The following RGMA variants were observed in gnomAD, a reference collection of about 807,000 sequenced individuals.
The protein encoded by RGMA is repulsive guidance molecule BMP co-receptor a, also known as repulsive guidance molecule A.
In RGMA, 10 loss-of-function variants were observed where a neutral mutation model predicts 23.2. That is an observed-to-expected ratio of 0.43 (90% CI 0.27 to 0.73). RGMA has a LOEUF of 0.73. Ranked by LOEUF, RGMA falls within the 30% of genes least tolerant of loss-of-function variation. The pLI is 0.20. For missense variants in RGMA, 547 were observed against 630.5 expected, an observed-to-expected ratio of 0.87 and a Z score of 1.42; for synonymous variants, 308 against 279.3, an observed-to-expected ratio of 1.10 and a Z score of -1.03.
intron 1 of RGMA, among the ~76,000 whole-genome samples, chr15:93,075,936 GC>G (rs777747887): frequency 3.3e-5 from 5 of 152,222 alleles, no homozygotes; most frequent in Non-Finnish European, 7.3e-5. Context: ...CCCAGCTAGA[GC>G]AGTATGGCGT....
Position 93,073,138 on chromosome 15 carries a change from G to C in RGMA, c.15-107C>G, listed in dbSNP as rs1459897217. 43 of 1,254,268 alleles carry C rather than the reference G, an allele frequency of 3.4e-5. No individual in the cohort carries two copies. In the East Asian group the frequency reaches 5.4e-4, roughly 16 times the overall value. 77.7% of individuals were successfully genotyped at this position (1,254,268 alleles called of 1,614,324 possible). A position where few individuals can be genotyped will look rare whatever the true frequency, so the allele number is the denominator to read the frequency against. On this transcript the variant is annotated intron_variant, in intron 1 of 3. Transcript: ENST00000329082. Reference sequence around the variant, plus strand: ...CGAGCCGGGAGGCTCCGTCCACCTCGGCCGCGGGCGCCCGGCGCGCTCCCC... The same window carrying C: ...CGAGCCGGGAGGCTCCGTCCACCTCCGCCGCGGGCGCCCGGCGCGCTCCCC...
In RGMA at chr15:93,051,133, G is replaced by A. The variant is rs969487938; in HGVS notation, c.645+860C>T. ...GCCAGGGACCAGAAAGTGACCCCCT[G>A]CAGGCAGGCAAGGGCCACCGGAGCA... On this transcript the variant is annotated intron_variant, in intron 3 of 3. Transcript: ENST00000329082. 2.4e-4 allele frequency among the ~76,000 whole-genome samples: 37 copies of A among 152,348 alleles called. 1 individual carries two copies. The highest frequency in any genetic ancestry group is 8.7e-4 in the African/African-American group (36 of 41,580).
chr15:93,065,467 G>T (rs1312923189), intron 2 of RGMA: 24 of 442,482 alleles, frequency 5.4e-5, no homozygotes, highest in South Asian at 4.5e-4. Context: ...ATGAAAAGCT[G>T]GTATTTTGAT....
intron 3 of RGMA, among the ~76,000 whole-genome samples, chr15:93,047,433 AAAGGGGAC>A (rs1161984824): frequency 1.3e-5 from 2 of 152,184 alleles, no homozygotes; most frequent in Non-Finnish European, 2.9e-5. Context: ...GAGGTGGGGC[AAAGGGGAC>A]AAGGTGGCAC....
chr15:93,045,076 A>G lies in RGMA; in HGVS notation c.1275T>C (p.Ala425=), dbSNP rs2054796229. The G allele has an allele frequency of 6.4e-7, 1 of 1,574,182 alleles. No individual in the cohort carries two copies. The highest frequency in any genetic ancestry group is 1.2e-5 in the South Asian group (1 of 86,068). ...ERTRDLPGRA[A]AGLPLAPRPL... Reference sequence around the variant, plus strand: ...GCCGGGGGGCCAGGGGCAGCCCCGCAGCCGCCCTGCCTGGCAGGTCCCGAG... The same window carrying G: ...GCCGGGGGGCCAGGGGCAGCCCCGCGGCCGCCCTGCCTGGCAGGTCCCGAG... The change falls in exon 4 of 4, where the codon GCT becomes GCC. Residue 425 remains alanine, a synonymous_variant. Transcript: ENST00000329082. The surrounding 1 kb of genome is among the most constrained non-coding windows in gnomAD (Gnocchi z 6.9).
intron 1 of RGMA, among the ~76,000 whole-genome samples, chr15:93,084,317 T>A (rs1895603544): frequency 6.6e-6 from 1 of 152,236 alleles, no homozygotes; most frequent in Non-Finnish European, 1.5e-5. Flanking sequence ...CTCTTTTGGA[T>A]GAGCATTTGA....
intron 1 of RGMA, among the ~76,000 whole-genome samples, chr15:93,078,256 CCCAACACTGGTT>C (rs1049818626): frequency 6.6e-6 from 1 of 152,174 alleles, no homozygotes; most frequent in African/African-American, 2.4e-5. Context: ...GAGGAAACGA[CCCAACACTGGTT>C]CCAGGTATTT....
In RGMA at chr15:93,039,779, T is replaced by C. The variant is rs574138481; in HGVS notation, c.*5219A>G. The C allele has an allele frequency of 2.0e-5, 3 of 152,250 alleles. No individual in the cohort carries two copies. Among genetic ancestry groups the C allele is most frequent in the Non-Finnish European group, 4.4e-5 (3 of 68,064 alleles). 9.4% of individuals were successfully genotyped at this position (152,250 alleles called of 1,614,324 possible). The stretch of plus-strand genomic sequence containing the variant: ...CATGGCGTATATGTGCCACATTTTC[T>C]TTATCCAGTCTATCATTGAGCCCAT... On this transcript the variant is annotated 3_prime_UTR_variant, in exon 4 of 4. Coordinates refer to ENST00000329082, the MANE Select transcript of RGMA (RefSeq NM_020211.3).
At chr15:93,048,317 G>C (rs2054860757) in intron 3 of RGMA, among the ~76,000 whole-genome samples, 1 of 152,176 alleles carries the variant, frequency 6.6e-6, no homozygotes, top group African/African-American at 2.4e-5. Flanking sequence ...AAATGTGTTA[G>C]TCAGGCAAGG....
intron 2 of RGMA, among the ~76,000 whole-genome samples, chr15:93,063,804 G>C (rs1895050299): frequency 1.3e-5 from 2 of 152,168 alleles, no homozygotes; most frequent in Admixed American, 1.3e-4. Context: ...GGAGAAAGAG[G>C]GAGCTTCTCA....
intron 1 of RGMA, among the ~76,000 whole-genome samples, chr15:93,084,826 G>C (rs2141850184): frequency 6.6e-6 from 1 of 152,304 alleles, no homozygotes; most frequent in South Asian, 2.1e-4. Context: ...TCATGGTGCA[G>C]ATCAGTTGAG....
rs769281431 is a variant in RGMA, at chr15:93,072,961, C to T, written c.85G>A (p.Gly29Arg). 6.2e-7 allele frequency: 1 copy of T among 1,611,562 alleles called. No homozygotes were observed. The highest frequency in any genetic ancestry group is 1.1e-5 in the South Asian group (1 of 90,356). The change falls in exon 2 of 4, where the codon GGA becomes AGA. Residue 29 changes from glycine to arginine, a missense_variant. Coordinates refer to ENST00000329082, the MANE Select transcript of RGMA (RefSeq NM_020211.3). Reference protein sequence around the residue: ...MGRGAGRSALGFWPTLAFLLC... With the variant: ...MGRGAGRSALRFWPTLAFLLC... ...AGGAAGGCGAGGGTCGGCCAGAATC[C>T]CAGGGCTGAACGTCCTGCCCCTCTC...
chr15:93,066,620 C>T (rs11853197), intron 2 of RGMA: 10,326 of 448,154 alleles, frequency 0.023, 442 homozygotes, highest in African/African-American at 0.12. Context: ...TGGGGACTGC[C>T]GTCACCACCG....
intron 2 of RGMA, chr15:93,065,609 TC>T: frequency 1.2e-6 from 1 of 808,228 alleles, no homozygotes. Flanking sequence ...GGTGGCGGGG[TC>T]CCCACTGTTG....
At chr15:93,046,927 CAG>C (rs1479110502) in intron 3 of RGMA, among the ~76,000 whole-genome samples, 1 of 152,140 alleles carries the variant, frequency 6.6e-6, no homozygotes, top group Non-Finnish European at 1.5e-5. Context: ...GAGCCAGACA[CAG>C]AGGCATTGGC....
intron 2 of RGMA, among the ~76,000 whole-genome samples, chr15:93,054,610 C>T (rs890068311): frequency 6.6e-6 from 1 of 152,180 alleles, no homozygotes; most frequent in African/African-American, 2.4e-5. Context: ...GAGGCCTCCC[C>T]GGCCATGTGG....
intron 1 of RGMA, 136 bp downstream of exon 1, chr15:93,088,783 C>T: frequency 1.1e-6 from 1 of 897,540 alleles, no homozygotes; most frequent in Non-Finnish European, 1.7e-6. Flanking sequence ...CAGCAAAGCT[C>T]CAAATGTGGG....
intron 1 of RGMA, chr15:93,088,466 G>A: frequency 1.0e-6 from 1 of 987,254 alleles, no homozygotes; most frequent in Non-Finnish European, 1.2e-6. Flanking sequence ...GCACTGCGCC[G>A]ACATCCCCGA....
At chr15:93,046,750 A>G (rs1296496737) in intron 3 of RGMA, among the ~76,000 whole-genome samples, 1 of 152,134 alleles carries the variant, frequency 6.6e-6, no homozygotes, top group Non-Finnish European at 1.5e-5. Flanking sequence ...ACAGGAAAGG[A>G]GCAAGGTGCT....
Sources: gnomAD v4.1 joint callset for allele counts (sites outside exome capture counted in the v4.1 genomes callset) on GRCh38, gnomAD v4.1.1 for gene constraint, Gnocchi (gnomAD v3.1) non-coding constraint, MANE v1.5 for transcripts, NCBI Gene and HGNC (gene_info 2026-07-23, HGNC 2026-07-21) for gene names.